Variants in LSAMP observed in about 807,000 individuals in gnomAD.
The protein encoded by LSAMP is limbic system associated membrane protein.
Under a neutral mutation model 38.6 loss-of-function variants are expected in LSAMP, and 7 were observed. The observed-to-expected ratio is 0.18, with a 90% CI of 0.10 to 0.34. The LOEUF (loss-of-function observed/expected upper bound fraction) is 0.34. Among genes scored for constraint, LSAMP ranks in the 10% least tolerant of loss-of-function variants. The pLI is 1.00. For synonymous variants in LSAMP, 154 were observed against 166.8 expected (o/e 0.92, Z 0.59); for missense variants, 313 against 420.0 (o/e 0.75, Z 2.23).
chr3:116,436,907 A>C (rs903399836), intron 1 of LSAMP, among the ~76,000 whole-genome samples: 7 of 152,122 alleles, frequency 4.6e-5, no homozygotes, highest in Admixed American at 6.5e-5. Flanking sequence ...TTATAGCAGC[A>C]CAATTCACAA....
intron 1 of LSAMP, among the ~76,000 whole-genome samples, chr3:116,313,368 G>A (rs868065744): frequency 6.6e-6 from 1 of 152,176 alleles, no homozygotes; most frequent in African/African-American, 2.4e-5. Context: ...GTGACTGGAG[G>A]CGGATGCACC....
chr3:116,356,777 T>C (rs770943441), intron 1 of LSAMP, among the ~76,000 whole-genome samples: 1 of 152,190 alleles, frequency 6.6e-6, no homozygotes, highest in Non-Finnish European at 1.5e-5. Context: ...TATTTTTCTA[T>C]AGGAAGTCAG....
At chr3:116,215,486 G>T (rs1448304543) in intron 1 of LSAMP, among the ~76,000 whole-genome samples, 2 of 152,036 alleles carry the variant, frequency 1.3e-5, no homozygotes, top group Admixed American at 6.6e-5. Flanking sequence ...GAGCTGCCTA[G>T]GTCCCAGAGG....
intron 2 of LSAMP, among the ~76,000 whole-genome samples, chr3:116,057,311 T>C (rs182071663): frequency 9.2e-5 from 14 of 152,344 alleles, no homozygotes; most frequent in African/African-American, 2.2e-4. Context: ...TTTGGCATTT[T>C]TAGCCATACA....
intron 1 of LSAMP, among the ~76,000 whole-genome samples, chr3:116,141,208 G>A (rs1489930835): frequency 1.3e-5 from 2 of 151,840 alleles, no homozygotes; most frequent in South Asian, 4.1e-4. Context: ...GGTAAGTGAC[G>A]GAGTGAAGAT....
intron 2 of LSAMP, among the ~76,000 whole-genome samples, chr3:116,052,470 A>C (rs1941414051): frequency 6.6e-6 from 1 of 152,188 alleles, no homozygotes; most frequent in South Asian, 2.1e-4. Flanking sequence ...CAATCGTATA[A>C]AATTTATATT....
chr3:115,890,254 T>C (rs1458395465), intron 3 of LSAMP, among the ~76,000 whole-genome samples: 1 of 151,964 alleles, frequency 6.6e-6, no homozygotes, highest in Admixed American at 6.6e-5. Context: ...AACAAGTTTC[T>C]GAACTTGTAC....
rs1231135646 is a variant in LSAMP, at chr3:116,427,617, T to C, written c.155+17260A>G. ...GGCTTGCAATTTTTACAGTGTGAAG[T>C]CTTTCTCTTAAAAAAATAAATACAA... On this transcript the variant is annotated intron_variant, in intron 1 of 6. Coordinates refer to ENST00000490035, the MANE Select transcript of LSAMP (RefSeq NM_002338.5). Among the ~76,000 whole-genome samples the C allele has an allele frequency of 2.0e-5, 3 of 152,042 alleles. No individual in the cohort carries two copies. In the South Asian group the frequency reaches 6.2e-4, roughly 31 times the overall value.
chr3:115,854,288 T>A (rs201219450), intron 3 of LSAMP, among the ~76,000 whole-genome samples: 5,189 of 125,440 alleles, frequency 0.041, 100 homozygotes, highest in African/African-American at 0.051. Context: ...TATTATTTTT[T>A]TTTTTTTTTT....
At chr3:116,187,506 ATCTT>A (rs1396155129) in intron 1 of LSAMP, among the ~76,000 whole-genome samples, 1 of 152,076 alleles carries the variant, frequency 6.6e-6, no homozygotes, top group Non-Finnish European at 1.5e-5. Flanking sequence ...AATTACAGTG[ATCTT>A]TCTATTACCT....
chr3:116,232,702 T>TC lies in LSAMP; in HGVS notation c.156-146147_156-146146insG, dbSNP rs1392000943. Among the ~76,000 whole-genome samples, 1,014 of 129,638 alleles carry TC rather than the reference T, an allele frequency of 7.8e-3. 15 individuals are homozygous for TC. The highest frequency in any genetic ancestry group is 0.034 in the African/African-American group (953 of 27,990). 85.0% of individuals were successfully genotyped at this position (129,638 alleles called of 152,430 possible). A position where few individuals can be genotyped will look rare whatever the true frequency, so the allele number is the denominator to read the frequency against. On this transcript the variant is annotated intron_variant, in intron 1 of 6. Coordinates refer to ENST00000490035, the MANE Select transcript of LSAMP (RefSeq NM_002338.5). ...ATTTTCTTTTCTTTCTTTCTTTCTTTTTTTTTTTTTTTTTCCAGCAGGTAG... is the reference window on the plus strand; with the variant it reads ...ATTTTCTTTTCTTTCTTTCTTTCTTTCTTTTTTTTTTTTTTCCAGCAGGTAG...
intron 1 of LSAMP, among the ~76,000 whole-genome samples, chr3:116,335,915 T>G (rs911649087): frequency 7.2e-5 from 11 of 151,930 alleles, no homozygotes; most frequent in Admixed American, 6.6e-5. Context: ...CACACTGACA[T>G]AAAGTAAAAA....
At chr3:115,997,018 G>T (rs1469495541) in intron 3 of LSAMP, among the ~76,000 whole-genome samples, 2 of 152,104 alleles carry the variant, frequency 1.3e-5, no homozygotes, top group Non-Finnish European at 2.9e-5. Flanking sequence ...CTCACTCTCT[G>T]TTAGCCATAA....
chr3:115,963,348 C>A (rs571932130), intron 3 of LSAMP, among the ~76,000 whole-genome samples: 2 of 152,286 alleles, frequency 1.3e-5, no homozygotes, highest in South Asian at 2.1e-4. Flanking sequence ...CCTTCACATG[C>A]TTATTTATTC....
At chr3:116,110,603 T>G (rs1708583442) in intron 1 of LSAMP, among the ~76,000 whole-genome samples, 1 of 151,906 alleles carries the variant, frequency 6.6e-6, no homozygotes. Flanking sequence ...AGAAAGAGGT[T>G]GAGGGATAGT....
intron 1 of LSAMP, among the ~76,000 whole-genome samples, chr3:116,439,953 C>T (rs372250300): frequency 6.6e-6 from 1 of 152,176 alleles, no homozygotes; most frequent in East Asian, 1.9e-4. Flanking sequence ...AATCTCTTGA[C>T]CTTGTGATCC....
At chr3:116,269,636 T>C (rs1177065947) in intron 1 of LSAMP, among the ~76,000 whole-genome samples, 1 of 152,106 alleles carries the variant, frequency 6.6e-6, no homozygotes, top group African/African-American at 2.4e-5. Flanking sequence ...ATATAATTTA[T>C]CATCCAAACC....
intron 1 of LSAMP, among the ~76,000 whole-genome samples, chr3:116,214,414 C>G (rs2046196168): frequency 6.6e-6 from 1 of 151,912 alleles, no homozygotes; most frequent in Admixed American, 6.6e-5. Flanking sequence ...TGCTAAAAAG[C>G]CAGGAATCAG....
intron 1 of LSAMP, among the ~76,000 whole-genome samples, chr3:116,275,880 C>T (rs542515563): frequency 1.2e-4 from 18 of 152,212 alleles, no homozygotes; most frequent in Non-Finnish European, 1.8e-4. Flanking sequence ...TCATTCTATA[C>T]GTAACTGAAT....
Sources: gnomAD v4.1 joint callset for allele counts (sites outside exome capture counted in the v4.1 genomes callset) on GRCh38, gnomAD v4.1.1 for gene constraint, MANE v1.5 for transcripts, NCBI Gene and HGNC (gene_info 2026-07-23, HGNC 2026-07-21) for gene names.